Variants in CFAP299 observed in about 807,000 individuals in gnomAD.
The protein encoded by CFAP299 is cilia and flagella associated protein 299.
In CFAP299, 21 loss-of-function variants were observed where a neutral mutation model predicts 27.0. That is an observed-to-expected ratio of 0.78 (90% confidence interval 0.55 to 1.12). The LOEUF is 1.12. CFAP299 is among the 50% of genes most tolerant of loss of function. The pLI is 0.00. For synonymous variants in CFAP299, 104 were observed against 98.1 expected, an observed-to-expected ratio of 1.06 and a Z score of -0.36; for missense variants, 310 against 276.6, an observed-to-expected ratio of 1.12 and a Z score of -0.86.
intron 2 of CFAP299, among the ~76,000 whole-genome samples, chr4:80,417,876 T>G (rs1291706722): frequency 6.6e-6 from 1 of 152,140 alleles, no homozygotes; most frequent in African/African-American, 2.4e-5. Flanking sequence ...TTCCACCATG[T>G]GAAGACACAG....
intron 3 of CFAP299, among the ~76,000 whole-genome samples, chr4:80,626,195 T>C (rs1738893440): frequency 6.6e-6 from 1 of 151,960 alleles, no homozygotes; most frequent in Non-Finnish European, 1.5e-5. Context: ...CAAGTAGCTA[T>C]TCTGACCTCA....
At chr4:80,796,502 G>A (rs1727869259) in intron 3 of CFAP299, among the ~76,000 whole-genome samples, 1 of 152,186 alleles carries the variant, frequency 6.6e-6, no homozygotes, top group African/African-American at 2.4e-5. Flanking sequence ...CACTGAGGTA[G>A]GATGGTAAAT....
chr4:80,619,964 T>C (rs1406720154), intron 3 of CFAP299, among the ~76,000 whole-genome samples: 2 of 152,104 alleles, frequency 1.3e-5, no homozygotes, highest in African/African-American at 4.8e-5. Context: ...CATATTGTTA[T>C]ATTAATGAAA....
chr4:80,945,317 C>T (rs1416006237), intron 5 of CFAP299, among the ~76,000 whole-genome samples: 1 of 152,192 alleles, frequency 6.6e-6, no homozygotes, highest in Non-Finnish European at 1.5e-5. Flanking sequence ...TCTGAACTTA[C>T]ATTTGTACCC....
Position 80,679,442 on chromosome 4 carries a change from G to A in CFAP299, c.333+96259G>A, listed in dbSNP as rs142254056. ...AATTTCTTAACATGAATGTCCAGGA[G>A]TGTGAATCCTATGTAGTATGGCAAG... On this transcript the variant is annotated intron_variant, in intron 3 of 5. Transcript: ENST00000358105. Among the ~76,000 whole-genome samples the A allele has an allele frequency of 6.7e-3, 1,022 of 152,114 alleles. 13 individuals are homozygous for A. Among genetic ancestry groups the A allele is most frequent in the African/African-American group, 0.023 (972 of 41,538 alleles).
At chr4:80,570,930 T>C (rs976101683) in intron 2 of CFAP299, among the ~76,000 whole-genome samples, 5 of 152,114 alleles carry the variant, frequency 3.3e-5, no homozygotes, top group African/African-American at 9.6e-5. Context: ...GAAATACATG[T>C]GGAAATGCTA....
chr4:80,769,764 AG>A (rs1368005247), intron 3 of CFAP299, among the ~76,000 whole-genome samples: 5 of 152,164 alleles, frequency 3.3e-5, no homozygotes, highest in African/African-American at 1.2e-4. Flanking sequence ...TCCCCTCCTC[AG>A]GGGCCTCAAC....
chr4:80,920,113 T>G (rs537511182), intron 4 of CFAP299, among the ~76,000 whole-genome samples: 1 of 152,196 alleles, frequency 6.6e-6, no homozygotes, highest in South Asian at 2.1e-4. Flanking sequence ...GTATGCCCCT[T>G]TTCAAAGGTA....
At chr4:80,486,784 T>C (rs1009919254) in intron 2 of CFAP299, among the ~76,000 whole-genome samples, 2 of 152,218 alleles carry the variant, frequency 1.3e-5, no homozygotes, top group Non-Finnish European at 2.9e-5. Context: ...TCTCAGTTTC[T>C]ATAGCCTCTG....
At chr4:80,677,121 C>G (rs1273467690) in intron 3 of CFAP299, among the ~76,000 whole-genome samples, 1 of 151,854 alleles carries the variant, frequency 6.6e-6, no homozygotes, top group Non-Finnish European at 1.5e-5. Flanking sequence ...CTTACTGTAT[C>G]CCATAGATTT....
At chr4:80,780,715 TTA>T (rs201695153) in intron 3 of CFAP299, among the ~76,000 whole-genome samples, 5 of 151,020 alleles carry the variant, frequency 3.3e-5, no homozygotes, top group African/African-American at 7.3e-5. Flanking sequence ...CAAATAGAAA[TTA>T]TATATATATA....
chr4:80,483,350 C>G (rs944213162), intron 2 of CFAP299, among the ~76,000 whole-genome samples: 1 of 152,172 alleles, frequency 6.6e-6, no homozygotes, highest in African/African-American at 2.4e-5. Context: ...ATTATAATAG[C>G]AGGAGAAAAC....
rs376577544 is a variant in CFAP299, at chr4:80,345,346, A to G, written c.111+9467A>G. Reference sequence around the variant, plus strand: ...ACGTGCAGGTTTGTTACATATGTATATATGTGCCATGTTGGTGTGCTGCAC... The same window carrying G: ...ACGTGCAGGTTTGTTACATATGTATGTATGTGCCATGTTGGTGTGCTGCAC... On this transcript the variant is annotated intron_variant, in intron 1 of 5. Transcript: ENST00000358105. 4.3e-4 allele frequency among the ~76,000 whole-genome samples: 65 copies of G among 152,096 alleles called. No individual in the cohort carries two copies. The East Asian group carries it at 5.4e-3, about 13-fold the overall frequency.
intron 5 of CFAP299, among the ~76,000 whole-genome samples, chr4:80,951,087 A>G (rs1279621677): frequency 6.6e-6 from 1 of 152,218 alleles, no homozygotes; most frequent in East Asian, 1.9e-4. Context: ...AATTCAAAAG[A>G]AAATCAATTA....
chr4:80,570,516 A>T (rs549196545), intron 2 of CFAP299, among the ~76,000 whole-genome samples: 1 of 152,238 alleles, frequency 6.6e-6, no homozygotes, highest in South Asian at 2.1e-4. Context: ...ATCAATAAAA[A>T]TAGGAAAATG....
At chr4:80,387,538 C>T in intron 2 of CFAP299, 1 of 886,150 alleles carries the variant, frequency 1.1e-6, no homozygotes, top group Non-Finnish European at 1.9e-6. Context: ...CTGGCCCAAC[C>T]CTGTGTTTTC....
chr4:80,511,668 T>C (rs963269538), intron 2 of CFAP299, among the ~76,000 whole-genome samples: 1 of 152,140 alleles, frequency 6.6e-6, no homozygotes, highest in Non-Finnish European at 1.5e-5. Context: ...TTTCCTTGAA[T>C]GTTATTAAAG....
At chr4:80,376,577 T>C (rs1486380990) in intron 2 of CFAP299, among the ~76,000 whole-genome samples, 1 of 152,196 alleles carries the variant, frequency 6.6e-6, no homozygotes, top group East Asian at 1.9e-4. Context: ...GAACACATGG[T>C]ATTGACAGTT....
chr4:80,797,812 T>A (rs1727957166), intron 3 of CFAP299, among the ~76,000 whole-genome samples: 1 of 152,120 alleles, frequency 6.6e-6, no homozygotes, highest in Admixed American at 6.6e-5. Context: ...ACCATCCCAA[T>A]CTCCCCAAGC....
Sources: gnomAD v4.1 joint callset for allele counts (sites outside exome capture counted in the v4.1 genomes callset) on GRCh38, gnomAD v4.1.1 for gene constraint, MANE v1.5 for transcripts, NCBI Gene and HGNC (gene_info 2026-07-23, HGNC 2026-07-21) for gene names.